The following ABCA9 variants were observed in gnomAD, a reference collection of about 807,000 sequenced individuals.
The protein encoded by ABCA9 is ATP binding cassette subfamily A member 9.
In ABCA9, 183 loss-of-function variants were observed where a neutral mutation model predicts 205.3. That is an observed-to-expected ratio of 0.89 (90% CI 0.79 to 1.01). ABCA9 has a LOEUF of 1.01. Ranked by LOEUF, ABCA9 falls within the 50% of genes least tolerant of loss-of-function variation. The probability of loss-of-function intolerance (pLI) is 0.00; values close to 1 mark genes in which losing one functional copy is unlikely to be tolerated. For missense variants in ABCA9, 1,805 were observed against 1,912.4 expected (o/e 0.94, Z 1.05); for synonymous variants, 651 against 683.3 (o/e 0.95, Z 0.74).
chr17:68,987,295 C>T lies in ABCA9; in HGVS notation c.4048-971G>A, dbSNP rs117292163. Among the ~76,000 whole-genome samples, 1,305 of 152,306 alleles carry T rather than the reference C, an allele frequency of 8.6e-3. 11 individuals carry two copies. Among genetic ancestry groups the T allele is most frequent in the Middle Eastern group, 0.017 (5 of 294 alleles). ...ACCTTGATGCTATATTGTCTCCCCC[C>T]AGTACAAAGGAGAGAGCTAGTTAAC... On this transcript the variant is annotated intron_variant, in intron 31 of 38. Transcript: ENST00000340001.
chr17:69,012,120 T>C (rs755866150), intron 22 of ABCA9, 37 bp from the exon 23 acceptor site: 8 of 1,429,014 alleles, frequency 5.6e-6, no homozygotes, highest in African/African-American at 2.8e-5. Flanking sequence ...TGATGGCGAT[T>C]GGGCATCTGT....
chr17:69,015,055 C>T (rs555423830), intron 22 of ABCA9, among the ~76,000 whole-genome samples: 2 of 152,234 alleles, frequency 1.3e-5, no homozygotes, highest in South Asian at 2.1e-4. Flanking sequence ...GGAAGAGCTC[C>T]AGCTCTCCAT....
rs2071241801 is a variant in ABCA9, at chr17:69,033,807, T to C, written c.1195A>G (p.Ile399Val). The change falls in exon 9 of 39, where the codon ATA becomes GTA. Residue 399 changes from isoleucine (I) to valine (V), a missense_variant. Coordinates refer to ENST00000340001, the MANE Select transcript of ABCA9 (RefSeq NM_080283.4). ...ACCAACATGAAAAGAGTAGCTATTA[T>C]GAGGTATGGATTTTGTGAAGAATCC... ...HLDSSQNPYL[I>V]IATLFMLVFD... The C allele has an allele frequency of 1.2e-6, 2 of 1,608,358 alleles. No individual in the cohort carries two copies. The highest frequency in any genetic ancestry group is 1.7e-6 in the Non-Finnish European group (2 of 1,175,220).
intron 25 of ABCA9, among the ~76,000 whole-genome samples, chr17:69,006,841 T>C (rs2070153655): frequency 6.6e-6 from 1 of 152,174 alleles, no homozygotes; most frequent in Admixed American, 6.5e-5. Flanking sequence ...AAAGATCTCA[T>C]TGGATATTAT....
At chr17:69,061,155 A>C (rs2072236248), upstream of ABCA9, 1 of 985,128 alleles carries the variant, frequency 1.0e-6, no homozygotes. Flanking sequence ...GGTTGGCTGG[A>C]CATATCAAAA....
chr17:69,076,021 T>C, the ABCA9 span, among the ~76,000 whole-genome samples: 1 of 152,158 alleles, frequency 6.6e-6, no homozygotes, highest in Non-Finnish European at 1.5e-5. Flanking sequence ...TTCCTTTTCT[T>C]GCATCATTGC....
At chr17:68,984,486 T>A (rs572001360) in intron 34 of ABCA9, among the ~76,000 whole-genome samples, 72 of 152,152 alleles carry the variant, frequency 4.7e-4, no homozygotes, top group Non-Finnish European at 9.7e-4. Context: ...CATGACATAC[T>A]CCCTATAGGT....
At chr17:68,998,779 A>G (rs1372523592) in intron 25 of ABCA9, among the ~76,000 whole-genome samples, 1 of 151,624 alleles carries the variant, frequency 6.6e-6, no homozygotes, top group African/African-American at 2.4e-5. Context: ...AGAATTCATT[A>G]TTAATTCTGA....
At chr17:69,031,962 G>T in intron 10 of ABCA9, 146 bp downstream of exon 10, 2 of 578,816 alleles carry the variant, frequency 3.5e-6, no homozygotes, top group Non-Finnish European at 6.0e-6. Context: ...TATGAAGGAT[G>T]AGTATAGCCT....
chr17:69,071,764 A>G, the ABCA9 span, among the ~76,000 whole-genome samples: 3 of 152,226 alleles, frequency 2.0e-5, no homozygotes, highest in African/African-American at 7.2e-5. Flanking sequence ...TGACAGAAGT[A>G]GGCTTCAGAA....
At position 69,044,495 on chromosome 17, in the gene ABCA9, ACTT is replaced by A. The variant is rs760234027; in HGVS notation, c.572_573+1del. ...GTTAGATTCCTTTAACTTTATACTC[ACTT>A]CTATGATAGCAGCATTAATGGCAGC... On this transcript the variant is annotated splice_donor_variant and coding_sequence_variant, in exon 5 of 39. Transcript: ENST00000340001. LOFTEE classifies it high-confidence loss of function. 3 of 1,611,982 alleles carry A rather than the reference ACTT, an allele frequency of 1.9e-6. No individual in the cohort carries two copies. Among genetic ancestry groups the A allele is most frequent in the Non-Finnish European group, 2.5e-6 (3 of 1,178,754 alleles).
chr17:68,977,451 C>T (rs1178045200), intron 37 of ABCA9, among the ~76,000 whole-genome samples: 2 of 152,142 alleles, frequency 1.3e-5, no homozygotes, highest in African/African-American at 4.8e-5. Flanking sequence ...TTACACTACA[C>T]CCTGGAGAGG....
the ABCA9 span, among the ~76,000 whole-genome samples, chr17:69,077,075 T>C: frequency 6.6e-6 from 1 of 152,256 alleles, no homozygotes; most frequent in East Asian, 1.9e-4. Flanking sequence ...GTTCTTGTTC[T>C]TCTAGTTCCA....
chr17:69,020,327 GCT>G (rs1269817098), intron 19 of ABCA9, 59 bp downstream of exon 19: 2 of 1,441,136 alleles, frequency 1.4e-6, no homozygotes, highest in Non-Finnish European at 1.9e-6. Context: ...TTTATGTTTT[GCT>G]CTCTTAAATT....
chr17:69,027,861 C>T lies in ABCA9; in HGVS notation c.1616-46G>A, dbSNP rs373979706. ...GTGACCATCAGGAAAATGTGTCATG[C>T]TTCATTGAAGATCTTTTAAAATGGA... On this transcript the variant is annotated intron_variant, in intron 12 of 38. Coordinates refer to ENST00000340001, the MANE Select transcript of ABCA9 (RefSeq NM_080283.4). 1.2e-4 allele frequency: 171 copies of T among 1,438,578 alleles called. 2 individuals are homozygous for T. The Middle Eastern group carries it at 1.2e-3, about 11-fold the overall frequency. The allele number at this position is 1,438,578 out of a possible 1,614,324, so 89.1% of individuals were successfully genotyped here. A position where few individuals can be genotyped will look rare whatever the true frequency, so the allele number is the denominator to read the frequency against.
intron 31 of ABCA9, among the ~76,000 whole-genome samples, chr17:68,986,974 C>A (rs1345093519): frequency 6.6e-6 from 1 of 152,116 alleles, no homozygotes; most frequent in Non-Finnish European, 1.5e-5. Context: ...CCGTAGGAAC[C>A]AATATACACA....
chr17:69,044,345 G>T, intron 5 of ABCA9, 152 bp downstream of exon 5: 3 of 629,702 alleles, frequency 4.8e-6, no homozygotes, highest in Non-Finnish European at 5.3e-6. Context: ...CTGATCCCCA[G>T]TACTTAGTAC....
intron 25 of ABCA9, among the ~76,000 whole-genome samples, chr17:68,997,397 T>C (rs1243983622): frequency 3.9e-5 from 6 of 152,128 alleles, no homozygotes; most frequent in Admixed American, 1.3e-4. Context: ...TTATGAATTT[T>C]TTCTATTAAA....
chr17:69,057,223 C>A (rs370741471), intron 1 of ABCA9, among the ~76,000 whole-genome samples: 14 of 152,282 alleles, frequency 9.2e-5, no homozygotes, highest in East Asian at 1.9e-4. Context: ...ATAAACAAAT[C>A]ACATAAAATT....
Sources: allele counts gnomAD v4.1 joint callset (sites outside exome capture counted in the v4.1 genomes callset), GRCh38; gene constraint gnomAD v4.1.1; transcripts MANE v1.5; gene names NCBI Gene and HGNC (gene_info 2026-07-23, HGNC 2026-07-21).